SERAC1: variants seen among roughly 807,000 people sequenced by gnomAD.
The protein encoded by SERAC1 is protein SERAC1.
Under a neutral mutation model 85.7 loss-of-function variants are expected in SERAC1, and 36 were observed. The ratio of observed to expected loss-of-function variants is 0.42; its 90% CI spans 0.32 to 0.55. The LOEUF is 0.55. Among genes scored for constraint, SERAC1 ranks in the 20% least tolerant of loss-of-function variants. The pLI is 0.11. For synonymous variants in SERAC1, 242 were observed against 265.3 expected (o/e 0.91, Z 0.85); for missense variants, 629 against 796.2 (o/e 0.79, Z 2.53).
intron 1 of SERAC1, among the ~76,000 whole-genome samples, chr6:158,167,734 G>C (rs1339076616): frequency 6.6e-6 from 1 of 152,126 alleles, no homozygotes; most frequent in Non-Finnish European, 1.5e-5. Context: ...CCGTTGCCGA[G>C]TTTAGAGCTC....
In SERAC1 at chr6:158,109,692, T is replaced by C. The variant is rs537946013; in HGVS notation, c.*1674A>G. ...CAAAAACATCTATCCACACATAAATTTGTACACAAATGATCATGGTAGCAT... is the reference window on the plus strand; with the variant it reads ...CAAAAACATCTATCCACACATAAATCTGTACACAAATGATCATGGTAGCAT... On this transcript the variant is annotated 3_prime_UTR_variant, in exon 17 of 17. Coordinates refer to ENST00000647468, the MANE Select transcript of SERAC1 (RefSeq NM_032861.4). The C allele has an allele frequency of 6.6e-6, 1 of 152,140 alleles. No homozygotes were observed. Among genetic ancestry groups the C allele is most frequent in the Non-Finnish European group, 1.5e-5 (1 of 68,032 alleles). 9.4% of individuals were successfully genotyped at this position (152,140 alleles called of 1,614,324 possible).
rs117782035 is a variant in SERAC1 at position 158,124,101 on chromosome 6, A to G, written c.1016-3526T>C. Among the ~76,000 whole-genome samples the G allele has an allele frequency of 3.5e-4, 53 of 152,304 alleles. 1 individual carries two copies. In the East Asian group the frequency reaches 9.5e-3, roughly 27 times the overall value. ...GTGGTGAGTGGGCTATCCAGGAGAT[A>G]AGAGGACTGAAGACTTGGGGTAGAC... On this transcript the variant is annotated intron_variant, in intron 10 of 16. Coordinates refer to ENST00000647468, the MANE Select transcript of SERAC1 (RefSeq NM_032861.4).
intron 1 of SERAC1, among the ~76,000 whole-genome samples, chr6:158,167,896 T>TC (rs1785644953): frequency 6.6e-6 from 1 of 151,128 alleles, no homozygotes; most frequent in Non-Finnish European, 1.5e-5. Flanking sequence ...GCAGGTGCAC[T>TC]CCCCAAGGCC....
Position 158,117,353 on chromosome 6 carries a change from CTGA to C in SERAC1, c.1403+371_1403+373del. 1.5e-6 allele frequency: 1 copy of C among 655,248 alleles called. No homozygotes were observed. The highest frequency in any genetic ancestry group is 2.1e-5 in the South Asian group (1 of 48,122). The allele number at this position is 655,248 out of a possible 1,614,324, so 40.6% of individuals were successfully genotyped here. A position where few individuals can be genotyped will look rare whatever the true frequency, so the allele number is the denominator to read the frequency against. On this transcript the variant is annotated intron_variant, in intron 13 of 16. Coordinates refer to ENST00000647468, the MANE Select transcript of SERAC1 (RefSeq NM_032861.4). This position sits in a 1 kb window ranked among gnomAD's most constrained non-coding sequence, Gnocchi z 4.3. ...AGATGACATACAAGGGAAATAGCAG[CTGA>C]TATTTCTCAGCATCTTTCTCTTTGC...
intron 10 of SERAC1, among the ~76,000 whole-genome samples, chr6:158,124,624 C>A (rs1784494219): frequency 6.6e-6 from 1 of 151,866 alleles, no homozygotes; most frequent in Admixed American, 6.6e-5. Flanking sequence ...ACAGAAAGAT[C>A]TTAAAAGAAG....
At chr6:158,148,975 A>C (rs757695390) in intron 4 of SERAC1, 21 bp from the exon 5 acceptor site, 39 of 1,548,030 alleles carry the variant, frequency 2.5e-5, no homozygotes, top group Non-Finnish European at 3.3e-5. Context: ...TATAAAATTA[A>C]GTAAAACCAA....
intron 15 of SERAC1, chr6:158,114,507 A>C (rs985043473): frequency 4.2e-6 from 5 of 1,182,818 alleles, no homozygotes; most frequent in Non-Finnish European, 5.2e-6. Flanking sequence ...GTAATTTGGA[A>C]TAATACTTAA....
At chr6:158,140,175 T>C (rs554533447) in intron 8 of SERAC1, among the ~76,000 whole-genome samples, 3 of 152,312 alleles carry the variant, frequency 2.0e-5, no homozygotes, top group East Asian at 3.9e-4. Context: ...GTGTCTTTTG[T>C]ATGCTAATGA....
chr6:158,156,599 T>C (rs924252685), intron 2 of SERAC1, among the ~76,000 whole-genome samples: 2 of 151,520 alleles, frequency 1.3e-5, no homozygotes, highest in African/African-American at 4.8e-5. Context: ...TGGCTTATTA[T>C]TATGTAAGAA....
In SERAC1 at chr6:158,113,499, G is replaced by T; in HGVS notation, c.1778C>A (p.Thr593Asn). The T allele has an allele frequency of 6.2e-7, 1 of 1,613,970 alleles. No individual in the cohort carries two copies. Residue 593 changes from threonine to asparagine, a missense_variant, in exon 16 of 17, where the codon ACC becomes AAC. Thr to Asn is a moderately conservative substitution (Grantham distance 65). Coordinates refer to ENST00000647468, the MANE Select transcript of SERAC1 (RefSeq NM_032861.4). Reference sequence around the variant, plus strand: ...GAGCTTAATCATGCTGCCAATGTAGGTTGGTAGTGTTTCCACAAAATTCAG... The same window carrying T: ...GAGCTTAATCATGCTGCCAATGTAGTTTGGTAGTGTTTCCACAAAATTCAG... ...QVLNFVETLP[T>N]YIGSMIKLHV...
intron 5 of SERAC1, 64 bp downstream of exon 5, chr6:158,148,801 G>A: frequency 8.6e-7 from 1 of 1,168,392 alleles, no homozygotes. Context: ...AAAGTATCAG[G>A]TTGATCATTC....
chr6:158,117,724 T>C lies in SERAC1; in HGVS notation c.1403+3A>G, dbSNP rs570676613. The C allele has an allele frequency of 6.2e-7, 1 of 1,614,052 alleles. No individual in the cohort carries two copies. Among genetic ancestry groups the C allele is most frequent in the South Asian group, 1.1e-5 (1 of 91,082 alleles). ...CCTCCTGGTCTAAAGTCGCCTCTGT[T>C]ACCTTTCCATAGGGCACCTTGCTCT... On this transcript the variant is annotated splice_donor_region_variant and intron_variant, in intron 13 of 16. Coordinates refer to ENST00000647468, the MANE Select transcript of SERAC1 (RefSeq NM_032861.4). The surrounding 1 kb of genome is among the most constrained non-coding windows in gnomAD (Gnocchi z 4.3).
At position 158,117,806 on chromosome 6, in the gene SERAC1, C is replaced by G; in HGVS notation, c.1324G>C (p.Asp442His). Residue 442 changes from aspartate to histidine, a missense_variant, in exon 13 of 17, where the codon GAC (aspartate) becomes CAC (histidine). Transcript: ENST00000647468. The surrounding 1 kb of genome is among the most constrained non-coding windows in gnomAD (Gnocchi z 4.3). ...GATATAATTCGGAGAGCAGGACAGT[C>G]TTTTGCTAACCATGTCTAAGTAAAA... ...TCWPKTWLAKDCPALRIISVE... is the reference protein window; with the variant it reads ...TCWPKTWLAKHCPALRIISVE... The G allele has an allele frequency of 6.2e-7, 1 of 1,613,728 alleles. No individual in the cohort carries two copies. Among genetic ancestry groups the G allele is most frequent in the Non-Finnish European group, 8.5e-7 (1 of 1,179,702 alleles).
At chr6:158,149,632 C>T (rs1205691192) in intron 4 of SERAC1, among the ~76,000 whole-genome samples, 1 of 152,188 alleles carries the variant, frequency 6.6e-6, no homozygotes, top group African/African-American at 2.4e-5. Flanking sequence ...GAGATTAAGT[C>T]TCAATATACA....
Position 158,119,166 on chromosome 6 carries a change from GCTGA to G in SERAC1, c.1167_1170del (p.Gln390ProfsTer29), listed in dbSNP as rs772296795. 8.7e-6 allele frequency: 14 copies of G among 1,608,906 alleles called. No individual in the cohort carries two copies. Among genetic ancestry groups the G allele is most frequent in the African/African-American group, 2.7e-5 (2 of 74,804 alleles). On this transcript the variant is annotated frameshift_variant and splice_region_variant, in exon 12 of 17. Coordinates refer to ENST00000647468, the MANE Select transcript of SERAC1 (RefSeq NM_032861.4). LOFTEE classifies it high-confidence loss of function. This position sits in a 1 kb window ranked among gnomAD's most constrained non-coding sequence, Gnocchi z 4.5. ...ATAAAAAGGACATCTGCTTTAATGG[GCTGA>G]CTAATAGGGGAGAGAGTTTTAAAAA...
At chr6:158,154,593 TAA>T (rs1785282105) in intron 3 of SERAC1, among the ~76,000 whole-genome samples, 1 of 152,118 alleles carries the variant, frequency 6.6e-6, no homozygotes, top group Admixed American at 6.6e-5. Context: ...TAAAAAAAAG[TAA>T]AAGAGTATGA....
At chr6:158,163,444 T>C (rs996996067) in intron 1 of SERAC1, among the ~76,000 whole-genome samples, 2 of 152,156 alleles carry the variant, frequency 1.3e-5, no homozygotes, top group African/African-American at 4.8e-5. Flanking sequence ...ATGCCTATAA[T>C]CCCAGTGATT....
At chr6:158,154,869 CTGAG>C (rs1448581336) in intron 3 of SERAC1, among the ~76,000 whole-genome samples, 12 of 152,194 alleles carry the variant, frequency 7.9e-5, no homozygotes, top group African/African-American at 2.2e-4. Flanking sequence ...TGTGTCAGAG[CTGAG>C]TGAGTGCCCG....
chr6:158,144,311 T>C lies in SERAC1; in HGVS notation c.597A>G (p.Pro199=), dbSNP rs114899424. ...LRFFLLPPPL[P]SLKEDSSTEE... is the part of the protein sequence containing the mutation. The stretch of plus-strand genomic sequence containing the variant: ...TTGTTTTACTTACTTCTTTTAAAGA[T>C]GGCAAAGGAGGTGGTAGGAGAAAAA... The change falls in exon 7 of 17, where the codon CCA becomes CCG. Residue 199 remains proline, a synonymous_variant. Coordinates refer to ENST00000647468, the MANE Select transcript of SERAC1 (RefSeq NM_032861.4). The C allele has an allele frequency of 2.2e-4, 348 of 1,610,782 alleles. 3 individuals are homozygous for C. The East Asian group carries it at 7.6e-3, about 35-fold the overall frequency.
Sources: gnomAD v4.1 joint callset for allele counts (sites outside exome capture counted in the v4.1 genomes callset) on GRCh38, gnomAD v4.1.1 for gene constraint, Gnocchi (gnomAD v3.1) non-coding constraint, MANE v1.5 for transcripts, NCBI Gene and HGNC (gene_info 2026-07-23, HGNC 2026-07-21) for gene names.